SAMD8: variants seen among roughly 807,000 people sequenced by gnomAD.
SAMD8 encodes sterile alpha motif domain containing 8.
SAMD8 carries 20 observed loss-of-function variants against 42.0 expected under a neutral mutation model. The ratio of observed to expected loss-of-function variants is 0.48; its 90% confidence interval spans 0.34 to 0.69. SAMD8 has a LOEUF of 0.69. SAMD8 is among the 30% of genes least tolerant of loss of function. SAMD8 has a pLI of 0.01. For synonymous variants in SAMD8, 162 were observed against 173.0 expected (o/e 0.94, Z 0.50); for missense variants, 328 against 511.6 (o/e 0.64, Z 3.46).
upstream of SAMD8, among the ~76,000 whole-genome samples, chr10:75,110,409 T>G (rs1322033205): frequency 6.6e-6 from 1 of 152,188 alleles, no homozygotes; most frequent in Admixed American, 6.5e-5. Context: ...GACTTCTCAG[T>G]GGCCCTAATG....
chr10:75,124,985 C>T (rs191957941), intron 1 of SAMD8, among the ~76,000 whole-genome samples: 3 of 152,022 alleles, frequency 2.0e-5, no homozygotes, highest in South Asian at 4.2e-4. Context: ...TGGGATTTCA[C>T]GATGTTGCCC....
intron 1 of SAMD8, among the ~76,000 whole-genome samples, chr10:75,111,990 C>T (rs913627862): frequency 2.6e-5 from 4 of 151,918 alleles, no homozygotes; most frequent in African/African-American, 9.7e-5. Context: ...TTGAAGAGCC[C>T]AGAGCTTGGG....
chr10:75,144,225 C>T (rs1840086020), intron 1 of SAMD8, among the ~76,000 whole-genome samples: 1 of 152,120 alleles, frequency 6.6e-6, no homozygotes, highest in Non-Finnish European at 1.5e-5. Context: ...CCTCGGCCTC[C>T]CAAAGTGCTG....
At chr10:75,150,281 T>A (rs1366722252) in intron 1 of SAMD8, 3 of 53,646 alleles carry the variant, frequency 5.6e-5, no homozygotes, top group East Asian at 0.028. Flanking sequence ...AGGCTAAAAT[T>A]TTTTTTTTTT....
At chr10:75,126,499 CTTTTTTTTTT>C (rs779589994) in intron 1 of SAMD8, among the ~76,000 whole-genome samples, 1 of 115,556 alleles carries the variant, frequency 8.7e-6, no homozygotes, top group African/African-American at 3.2e-5. Flanking sequence ...AGTGCTTTTG[CTTTTTTTTTT>C]TTTTTTTTTT....
At chr10:75,128,973 T>C (rs1331873035) in intron 1 of SAMD8, among the ~76,000 whole-genome samples, 14 of 152,214 alleles carry the variant, frequency 9.2e-5, no homozygotes, top group Admixed American at 9.2e-4. Context: ...TAACAAAAGT[T>C]GACACTTTCG....
intron 1 of SAMD8, among the ~76,000 whole-genome samples, chr10:75,115,480 T>C (rs894032638): frequency 2.6e-5 from 4 of 152,216 alleles, no homozygotes; most frequent in African/African-American, 9.6e-5. Flanking sequence ...CATATGAATG[T>C]GTGGGTATGG....
intron 1 of SAMD8, among the ~76,000 whole-genome samples, chr10:75,120,586 A>G (rs1739040205): frequency 6.6e-6 from 1 of 151,818 alleles, no homozygotes; most frequent in African/African-American, 2.4e-5. Flanking sequence ...TACTTTTTAA[A>G]ATGTTGGTGA....
At chr10:75,111,879 A>G (rs1589927214) in intron 1 of SAMD8, 157 bp downstream of exon 1, 2 of 929,342 alleles carry the variant, frequency 2.2e-6, no homozygotes, top group African/African-American at 1.7e-5. Flanking sequence ...TCAGCTCTGG[A>G]ATGGAATCTG....
intron 2 of SAMD8, among the ~76,000 whole-genome samples, chr10:75,151,721 C>T (rs1840291801): frequency 1.3e-5 from 2 of 152,144 alleles, no homozygotes; most frequent in Non-Finnish European, 2.9e-5. Context: ...GAGTCTCGCT[C>T]TGTCACCCAG....
At chr10:75,113,343 G>A (rs1039017521) in intron 1 of SAMD8, among the ~76,000 whole-genome samples, 1 of 151,520 alleles carries the variant, frequency 6.6e-6, no homozygotes, top group Admixed American at 6.6e-5. Flanking sequence ...GGTTTGTAAA[G>A]TTGTTGGCCA....
intron 2 of SAMD8, chr10:75,164,404 T>C: frequency 2.4e-6 from 1 of 409,890 alleles, no homozygotes; most frequent in Non-Finnish European, 3.3e-6. Flanking sequence ...TTTTTTTTCC[T>C]CTGGTATTTG....
Position 75,124,793 on chromosome 10 carries a change from TTTTC to T in SAMD8, c.-16+13079_-16+13082del, listed in dbSNP as rs1459556270. Among the ~76,000 whole-genome samples, 25 of 146,712 alleles carry T rather than the reference TTTTC, an allele frequency of 1.7e-4. 1 individual carries two copies. The South Asian group carries it at 5.0e-3, about 30-fold the overall frequency. ...ATCTGTTTTACACTCTTAAGACAAT[TTTTC>T]TTTCTTTTTTTCTTTTTTTTTTTTC... is the stretch of plus-strand genomic sequence containing the variant. On this transcript the variant is annotated intron_variant, in intron 1 of 5. Coordinates refer to ENST00000542569, the MANE Select transcript of SAMD8 (RefSeq NM_001174156.2).
chr10:75,102,416 C>A (rs1848226175), intron 1 of SAMD8, among the ~76,000 whole-genome samples: 1 of 151,864 alleles, frequency 6.6e-6, no homozygotes, highest in Non-Finnish European at 1.5e-5. Context: ...GCACTCCAGC[C>A]TGGGCGACAG....
At chr10:75,109,214 T>A, upstream of SAMD8, 3 of 1,470,360 alleles carry the variant, frequency 2.0e-6, no homozygotes, top group Non-Finnish European at 2.7e-6. Context: ...CTCTCCAGTG[T>A]CATTTCTCCT....
intron 1 of SAMD8, among the ~76,000 whole-genome samples, chr10:75,104,909 T>G (rs1406498223): frequency 6.6e-6 from 1 of 151,576 alleles, no homozygotes; most frequent in Non-Finnish European, 1.5e-5. Context: ...AGGGAGAGAG[T>G]CAGGCCCTGC....
chr10:75,150,144 C>G (rs1319701746), intron 1 of SAMD8, among the ~76,000 whole-genome samples: 2 of 151,300 alleles, frequency 1.3e-5, no homozygotes, highest in Admixed American at 1.3e-4. Context: ...GACGATCTCC[C>G]TCTGTTGCCC....
intron 1 of SAMD8, among the ~76,000 whole-genome samples, chr10:75,123,966 G>C (rs938317481): frequency 2.0e-5 from 3 of 152,094 alleles, no homozygotes; most frequent in African/African-American, 4.8e-5. Context: ...CAGCTCCAGC[G>C]ATCCGCCTGC....
rs1841034266 is a variant in SAMD8 at position 75,178,797 on chromosome 10, G to A, written c.*2105G>A. 6.6e-6 allele frequency: 1 copy of A among 152,422 alleles called. No homozygotes were observed. Among genetic ancestry groups the A allele is most frequent in the African/African-American group, 2.4e-5 (1 of 41,466 alleles). 9.4% of individuals were successfully genotyped at this position (152,422 alleles called of 1,614,324 possible). On this transcript the variant is annotated 3_prime_UTR_variant, in exon 6 of 6. Transcript: ENST00000542569. The stretch of plus-strand genomic sequence containing the variant: ...TAATCCCAGCACTTTGGGAGGCCAA[G>A]GCAGGCGGATGGCTTGAGGTCAGGA...
Sources: allele counts gnomAD v4.1 joint callset (sites outside exome capture counted in the v4.1 genomes callset), GRCh38; gene constraint gnomAD v4.1.1; transcripts MANE v1.5; gene names NCBI Gene and HGNC (gene_info 2026-07-23, HGNC 2026-07-21).